Variants in C13orf46 observed in about 807,000 individuals in gnomAD.
The protein encoded by C13orf46 is uncharacterized protein C13orf46.
the C13orf46 span, chr13:113,927,882 C>G: frequency 2.9e-6 from 1 of 345,298 alleles, no homozygotes; most frequent in South Asian, 1.5e-4. Context: ...TCCAGCAAGT[C>G]TCTTGGAAAC....
rs2052532788 is a variant in C13orf46 at position 113,956,280 on chromosome 13, G to T, written c.*493C>A. 1 of 156,722 alleles carries T rather than the reference G, an allele frequency of 6.4e-6. No individual in the cohort carries two copies. Among genetic ancestry groups the T allele is most frequent in the Admixed American group, 6.5e-5 (1 of 15,318 alleles). 9.7% of individuals were successfully genotyped at this position (156,722 alleles called of 1,614,324 possible). A position where few individuals can be genotyped will look rare whatever the true frequency, so the allele number is the denominator to read the frequency against. ...GAGGAGGAACATCCGGTGGAGAGGA[G>T]GAGCATCTGGTGGAGACGAGGAGCA... is the stretch of plus-strand genomic sequence containing the variant. On this transcript the variant is annotated 3_prime_UTR_variant, in exon 7 of 7. Transcript: ENST00000636427.
At chr13:113,937,463 G>A in the C13orf46 span, among the ~76,000 whole-genome samples, 60 of 152,280 alleles carry the variant, frequency 3.9e-4, 1 homozygote, top group East Asian at 3.1e-3. Flanking sequence ...ATGCAGCCAC[G>A]ACCTCTTCTC....
rs2052526376 is a variant in C13orf46 at position 113,955,907 on chromosome 13, CA to C, written c.*865del. 8.2e-6 allele frequency: 1 copy of C among 121,360 alleles called. No homozygotes were observed. The highest frequency in any genetic ancestry group is 8.5e-5 in the Admixed American group (1 of 11,816). The allele number at this position is 121,360 out of a possible 1,614,324, so 7.5% of individuals were successfully genotyped here. On this transcript the variant is annotated 3_prime_UTR_variant, in exon 7 of 7. Transcript: ENST00000636427. ...TCCGGTGGAGAGGAGGAGCATCTCG[CA>C]GAGAGGAGGAGCATCTCGCGGAGAC... is the stretch of plus-strand genomic sequence containing the variant.
chr13:113,939,254 C>T, the C13orf46 span, among the ~76,000 whole-genome samples: 9 of 152,334 alleles, frequency 5.9e-5, no homozygotes, highest in East Asian at 9.6e-4. Flanking sequence ...CCCCCCGCCC[C>T]GGTGATGCCA....
chr13:113,962,640 T>G (rs995270874), intron 6 of C13orf46, among the ~76,000 whole-genome samples: 52 of 152,280 alleles, frequency 3.4e-4, no homozygotes, highest in Admixed American at 6.5e-4. Context: ...TCAGCTCGTT[T>G]CTGCTGGCAG....
chr13:113,936,688 G>A, the C13orf46 span, among the ~76,000 whole-genome samples: 7 of 151,594 alleles, frequency 4.6e-5, no homozygotes, highest in South Asian at 4.1e-4. Flanking sequence ...GAAGAGAGTC[G>A]GGTGGGTAGG....
chr13:113,973,223 G>A (rs1453211488), intron 1 of C13orf46, among the ~76,000 whole-genome samples: 1 of 152,216 alleles, frequency 6.6e-6, no homozygotes, highest in South Asian at 2.1e-4. Flanking sequence ...GAAATTCCTT[G>A]TGAGCCTTAA....
chr13:113,953,503 C>T (rs1384247375), downstream of C13orf46, among the ~76,000 whole-genome samples: 9 of 152,060 alleles, frequency 5.9e-5, no homozygotes, highest in Non-Finnish European at 4.4e-5. Context: ...ACAGAATTAC[C>T]CTGGGTTTGA....
At chr13:113,932,243 C>T in the C13orf46 span, among the ~76,000 whole-genome samples, 3 of 152,190 alleles carry the variant, frequency 2.0e-5, no homozygotes, top group South Asian at 2.1e-4. Context: ...TTTCTGTGGA[C>T]GTTCCCAGAA....
chr13:113,968,541 G>A (rs2052672483), intron 3 of C13orf46, 27 bp from the exon 4 acceptor site: 2 of 152,308 alleles, frequency 1.3e-5, no homozygotes, highest in Admixed American at 1.3e-4. Context: ...GTTAAGTGAA[G>A]GCCGGGCTCC....
chr13:113,931,158 C>G, the C13orf46 span, among the ~76,000 whole-genome samples: 3 of 152,254 alleles, frequency 2.0e-5, no homozygotes, highest in Non-Finnish European at 4.4e-5. Flanking sequence ...GACTGGCACC[C>G]CAGGGTTCCC....
At position 113,954,957 on chromosome 13, in the gene C13orf46, C is replaced by A. The variant is rs879062111; in HGVS notation, c.*1816G>T. On this transcript the variant is annotated 3_prime_UTR_variant, in exon 7 of 7. Coordinates refer to ENST00000636427, the MANE Select transcript of C13orf46 (RefSeq NM_001365455.2). ...GACGAGGAGGAGGATCTGGCGGAGA[C>A]GAGGAGGAGGATCTGGCGGAGACGA... The A allele has an allele frequency of 7.7e-6, 1 of 130,192 alleles. No individual in the cohort carries two copies. Among genetic ancestry groups the A allele is most frequent in the Non-Finnish European group, 1.6e-5 (1 of 64,386 alleles). 8.1% of individuals were successfully genotyped at this position (130,192 alleles called of 1,614,324 possible). A position where few individuals can be genotyped will look rare whatever the true frequency, so the allele number is the denominator to read the frequency against.
downstream of C13orf46, among the ~76,000 whole-genome samples, chr13:113,949,399 G>C (rs2052480641): frequency 6.6e-6 from 1 of 152,210 alleles, no homozygotes; most frequent in Non-Finnish European, 1.5e-5. Context: ...ATCAGAAGTA[G>C]GGGCAGAGTC....
the C13orf46 span, among the ~76,000 whole-genome samples, chr13:113,935,614 T>A: frequency 6.6e-6 from 1 of 152,204 alleles, no homozygotes; most frequent in African/African-American, 2.4e-5. Context: ...TCTTGACATC[T>A]CCCTGGAAGG....
At chr13:113,967,929 C>T (rs1274537856) in intron 4 of C13orf46, among the ~76,000 whole-genome samples, 5 of 152,162 alleles carry the variant, frequency 3.3e-5, no homozygotes, top group African/African-American at 4.8e-5. Flanking sequence ...CAGCCCAGAA[C>T]GTGTGTCTGA....
At chr13:113,952,427 T>C (rs2052493090), downstream of C13orf46, among the ~76,000 whole-genome samples, 1 of 151,752 alleles carries the variant, frequency 6.6e-6, no homozygotes, top group African/African-American at 2.4e-5. Context: ...TCCCGCCTGC[T>C]CAGGGCTGGG....
chr13:113,939,555 G>A, the C13orf46 span, among the ~76,000 whole-genome samples: 1 of 152,194 alleles, frequency 6.6e-6, no homozygotes, highest in Non-Finnish European at 1.5e-5. Flanking sequence ...TGGGGAGGGC[G>A]GCACCACTCA....
At chr13:113,930,396 C>T in the C13orf46 span, among the ~76,000 whole-genome samples, 22 of 113,382 alleles carry the variant, frequency 1.9e-4, no homozygotes, top group African/African-American at 4.8e-4. Flanking sequence ...GCAGGAGCAC[C>T]GAGGCGGGGG....
intron 6 of C13orf46, among the ~76,000 whole-genome samples, chr13:113,959,797 A>G (rs1156869465): frequency 2.0e-5 from 3 of 152,256 alleles, no homozygotes; most frequent in African/African-American, 4.8e-5. Context: ...AAGCAAAATG[A>G]CTGGCTATTT....
Sources: gnomAD v4.1 joint callset for allele counts (sites outside exome capture counted in the v4.1 genomes callset) on GRCh38, gnomAD v4.1.1 for gene constraint, MANE v1.5 for transcripts, NCBI Gene and HGNC (gene_info 2026-07-23, HGNC 2026-07-21) for gene names.